Variants in CLTB observed in about 807,000 individuals in gnomAD.
CLTB encodes the protein clathrin light chain B.
In CLTB, 10 loss-of-function variants were observed where a neutral mutation model predicts 30.5. The observed-to-expected ratio is 0.33, with a 90% CI of 0.20 to 0.56. The LOEUF (loss-of-function observed/expected upper bound fraction) is 0.56. CLTB is among the 20% of genes least tolerant of loss of function. The pLI is 0.91. For missense variants in CLTB, 261 were observed against 308.3 expected (o/e 0.85, Z 1.15); for synonymous variants, 102 against 120.3 (o/e 0.85, Z 1.00).
intron 5 of CLTB, among the ~76,000 whole-genome samples, chr5:176,394,111 G>C (rs1756380728): frequency 6.6e-6 from 1 of 152,202 alleles, no homozygotes; most frequent in Admixed American, 6.5e-5. Context: ...ACTGGACTGA[G>C]AATTCAATGA....
chr5:176,406,021 G>A, intron 2 of CLTB: 1 of 406,718 alleles, frequency 2.5e-6, no homozygotes, highest in Non-Finnish European at 3.3e-6. Context: ...TGGTGCTGCT[G>A]GCAGGCAAAG....
intron 2 of CLTB, among the ~76,000 whole-genome samples, chr5:176,398,509 A>G (rs970275978): frequency 2.0e-5 from 3 of 152,100 alleles, no homozygotes; most frequent in African/African-American, 7.2e-5. Flanking sequence ...TTGGGAGTTC[A>G]AGACCAGCCT....
At position 176,416,240 on chromosome 5, in the gene CLTB, C is replaced by T. The variant is rs776328462; in HGVS notation, c.124G>A (p.Glu42Lys). ...ESEIAGIENDEGFGAPAGSHA... is the reference protein window; with the variant it reads ...ESEIAGIENDKGFGAPAGSHA... The stretch of plus-strand genomic sequence containing the variant: ...CTGCCGGCAGGTGCCCCGAAGCCCT[C>T]GTCGTTCTCTATGCCTGCAATCTCG... The change falls in exon 1 of 6, where the codon GAG (glutamate) becomes AAG (lysine). Residue 42 changes from glutamate (E) to lysine (K), a missense_variant. Around this residue, in one of 3 missense-constraint regions of CLTB, gnomAD observed 113 missense variants for 102.5 expected, o/e 1.10. Transcript: ENST00000310418. The T allele has an allele frequency of 1.9e-6, 3 of 1,600,580 alleles. No homozygotes were observed. Among genetic ancestry groups the T allele is most frequent in the Admixed American group, 3.4e-5 (2 of 59,164 alleles).
chr5:176,396,868 C>T (rs1756547806), intron 4 of CLTB, among the ~76,000 whole-genome samples: 1 of 152,120 alleles, frequency 6.6e-6, no homozygotes, highest in Non-Finnish European at 1.5e-5. Context: ...TGCCTTCTCT[C>T]CCACCGCTCC....
At chr5:176,415,034 C>T (rs1035406668) in intron 1 of CLTB, among the ~76,000 whole-genome samples, 1 of 152,196 alleles carries the variant, frequency 6.6e-6, no homozygotes, top group Admixed American at 6.5e-5. Flanking sequence ...AAAATGACAT[C>T]AACAGGAAGT....
chr5:176,405,503 A>AAAAAAAAAAAAAAAAAAAG (rs1757061533), intron 2 of CLTB: 1 of 143,918 alleles, frequency 6.9e-6, no homozygotes, highest in African/African-American at 2.5e-5. Context: ...AAAAAAAAAA[A>AAAAAAAAAAAAAAAAAAAG]AAAAAGAAAA....
At chr5:176,402,921 G>A (rs1040973236) in intron 2 of CLTB, among the ~76,000 whole-genome samples, 39 of 152,216 alleles carry the variant, frequency 2.6e-4, no homozygotes, top group Middle Eastern at 3.2e-3. Flanking sequence ...CGTGGGCCTG[G>A]AGCCTTTGGG....
At chr5:176,408,540 A>G (rs1315449420) in intron 2 of CLTB, among the ~76,000 whole-genome samples, 2 of 140,622 alleles carry the variant, frequency 1.4e-5, no homozygotes, top group Admixed American at 7.1e-5. Context: ...CCATCTCAGG[A>G]AAAAAAAAAA....
chr5:176,392,483 A>T (rs184888706), downstream of CLTB: 559 of 350,846 alleles, frequency 1.6e-3, 1 homozygote, highest in Non-Finnish European at 2.4e-3. The surrounding 1 kb of genome is among the most constrained non-coding windows in gnomAD (Gnocchi z 5.2). Flanking sequence ...GAATGATAAT[A>T]AATAAGTGTA....
At chr5:176,406,229 G>A in intron 2 of CLTB, 1 of 1,009,070 alleles carries the variant, frequency 9.9e-7, no homozygotes, top group Non-Finnish European at 1.2e-6. Context: ...AGCGGCTAGA[G>A]CAATGTTCTG....
intron 2 of CLTB, among the ~76,000 whole-genome samples, chr5:176,403,777 TGAGA>T (rs1756963084): frequency 6.6e-6 from 1 of 151,580 alleles, no homozygotes; most frequent in Non-Finnish European, 1.5e-5. Context: ...GTGTTTGTTT[TGAGA>T]CAGAGTCTCG....
chr5:176,393,302 T>G lies in CLTB; in HGVS notation c.519-357A>C, dbSNP rs972609566. On this transcript the variant is annotated intron_variant, in intron 5 of 5. Transcript: ENST00000310418. The surrounding 1 kb of genome is among the most constrained non-coding windows in gnomAD (Gnocchi z 4.4). ...TCGGGAGTTCCCAACCTGAGGTTCC[T>G]GACACCTAAAGACCCTTGGAGGTCC... Among the ~76,000 whole-genome samples the G allele has an allele frequency of 2.6e-5, 4 of 152,238 alleles. No homozygotes were observed. The highest frequency in any genetic ancestry group is 9.6e-5 in the African/African-American group (4 of 41,464).
At chr5:176,409,107 G>A (rs572468650) in intron 2 of CLTB, among the ~76,000 whole-genome samples, 1 of 152,126 alleles carries the variant, frequency 6.6e-6, no homozygotes, top group South Asian at 2.1e-4. Flanking sequence ...CTCCCAAGTA[G>A]TTAGGATTAT....
At chr5:176,413,648 C>G (rs1276483026) in intron 1 of CLTB, among the ~76,000 whole-genome samples, 1 of 152,230 alleles carries the variant, frequency 6.6e-6, no homozygotes, top group East Asian at 1.9e-4. Context: ...CAGCTTTTGC[C>G]CAGCTCTCAG....
In CLTB at chr5:176,402,837, C is replaced by T. The variant is rs372068949; in HGVS notation, c.235-4790G>A. On this transcript the variant is annotated intron_variant, in intron 2 of 5. Coordinates refer to ENST00000310418, the MANE Select transcript of CLTB (RefSeq NM_007097.5). ...AGTGGGGAAGGGAGGGCACCATTCT[C>T]GCCTGGGGACAGAGTACAGTAGGAG... 1.1e-4 allele frequency among the ~76,000 whole-genome samples: 17 copies of T among 152,216 alleles called. No individual in the cohort carries two copies. In the South Asian group the frequency reaches 1.5e-3, roughly 13 times the overall value.
rs961195041 is a variant in CLTB, at chr5:176,393,547, G to A, written c.519-602C>T. On this transcript the variant is annotated intron_variant, in intron 5 of 5. Transcript: ENST00000310418. The surrounding 1 kb of genome is among the most constrained non-coding windows in gnomAD (Gnocchi z 4.4). ...TCAAAGCCTTTCATGTGCTGTGTGCGTCGTGACCCTCCAAGGTGTGTATGT... is the reference window on the plus strand; with the variant it reads ...TCAAAGCCTTTCATGTGCTGTGTGCATCGTGACCCTCCAAGGTGTGTATGT... Among the ~76,000 whole-genome samples, 1 of 152,154 alleles carries A rather than the reference G, an allele frequency of 6.6e-6. No homozygotes were observed. The highest frequency in any genetic ancestry group is 1.5e-5 in the Non-Finnish European group (1 of 68,018).
chr5:176,412,181 A>C (rs1173774158), intron 1 of CLTB, among the ~76,000 whole-genome samples: 2 of 151,778 alleles, frequency 1.3e-5, no homozygotes, highest in Non-Finnish European at 2.9e-5. Flanking sequence ...TCTCAAAAAA[A>C]AAAAAAAAAA....
At chr5:176,400,616 G>T (rs145913773) in intron 2 of CLTB, among the ~76,000 whole-genome samples, 3 of 152,118 alleles carry the variant, frequency 2.0e-5, no homozygotes, top group African/African-American at 7.2e-5. Context: ...CACGCCCTCC[G>T]CATTCCTGTC....
At chr5:176,403,026 C>T (rs1456299231) in intron 2 of CLTB, among the ~76,000 whole-genome samples, 1 of 151,848 alleles carries the variant, frequency 6.6e-6, no homozygotes, top group Non-Finnish European at 1.5e-5. Context: ...TCAGGGCCCG[C>T]CATCTCCATA....
Sources: gnomAD v4.1 joint callset for allele counts (sites outside exome capture counted in the v4.1 genomes callset) on GRCh38, gnomAD v4.1.1 for gene constraint, gnomAD v4.1.1 regional missense constraint, Gnocchi (gnomAD v3.1) non-coding constraint, MANE v1.5 for transcripts, NCBI Gene and HGNC (gene_info 2026-07-23, HGNC 2026-07-21) for gene names.